Variants in TMEM8B observed in about 807,000 individuals in gnomAD.
TMEM8B encodes transmembrane protein 8B, also known as nasopharyngeal carcinoma expressed 6.
Under a neutral mutation model 49.3 loss-of-function variants are expected in TMEM8B, and 29 were observed. That is an observed-to-expected ratio of 0.59 (90% CI 0.44 to 0.80). The LOEUF (loss-of-function observed/expected upper bound fraction) is 0.80. Among genes scored for constraint, TMEM8B ranks in the 30% least tolerant of loss-of-function variants. The pLI, the probability that TMEM8B is intolerant of heterozygous loss-of-function variation, is 0.00. For missense variants in TMEM8B, 575 were observed against 658.5 expected, an observed-to-expected ratio of 0.87 and a Z score of 1.39; for synonymous variants, 264 against 272.8, an observed-to-expected ratio of 0.97 and a Z score of 0.32.
At chr9:35,839,500 AG>A (rs1375403803) in intron 3 of TMEM8B, among the ~76,000 whole-genome samples, 2 of 152,094 alleles carry the variant, frequency 1.3e-5, no homozygotes, top group Non-Finnish European at 2.9e-5. Context: ...CTGCATGAAG[AG>A]GGGGGACTGG....
At position 35,854,888 on chromosome 9, in the gene TMEM8B, A is replaced by T. The variant is rs1236019491; in HGVS notation, c.*1048A>T. The T allele has an allele frequency of 6.6e-6, 1 of 152,104 alleles. No homozygotes were observed. The highest frequency in any genetic ancestry group is 2.4e-5 in the African/African-American group (1 of 41,394). The allele number at this position is 152,104 out of a possible 1,614,324, so 9.4% of individuals were successfully genotyped here. A position where few individuals can be genotyped will look rare whatever the true frequency, so the allele number is the denominator to read the frequency against. On this transcript the variant is annotated 3_prime_UTR_variant, in exon 13 of 13. Transcript: ENST00000643932. ...AGAAAAGATCATTTGTCCATTTGGG[A>T]TTCCTTCTCTTTCCATGAGGGTCAT...
At position 35,846,379 on chromosome 9, in the gene TMEM8B, T is replaced by G; in HGVS notation, c.1851T>G (p.Pro617=). Residue 617 remains proline (P), a splice_region_variant and synonymous_variant, in exon 8 of 13, where the codon CCT becomes CCG. Coordinates refer to ENST00000643932, the MANE Select transcript of TMEM8B (RefSeq NM_001042590.4). ...LALRSLCGVG[P]RFVRCRNATA... ...TCCGCTCCCTGTGCGGGGTGGGGCC[T>G]CGGTGAGCGGTGCGGGGCGGGGCCA... 1 of 1,612,388 alleles carries G rather than the reference T, an allele frequency of 6.2e-7. No homozygotes were observed. The highest frequency in any genetic ancestry group is 8.5e-7 in the Non-Finnish European group (1 of 1,179,452).
In TMEM8B at chr9:35,851,547, C is replaced by A. The variant is rs906931196; in HGVS notation, c.2176-1280C>A. Among the ~76,000 whole-genome samples, 5 of 152,300 alleles carry A rather than the reference C, an allele frequency of 3.3e-5. No homozygotes were observed. The East Asian group carries it at 7.7e-4, about 23-fold the overall frequency. Reference sequence around the variant, plus strand: ...AATTTAACAGTATATTAAGAGGGAACCATGTCCCCAAAATAACAAGCCCTT... The same window carrying A: ...AATTTAACAGTATATTAAGAGGGAAACATGTCCCCAAAATAACAAGCCCTT... On this transcript the variant is annotated intron_variant, in intron 10 of 12. Coordinates refer to ENST00000643932, the MANE Select transcript of TMEM8B (RefSeq NM_001042590.4).
At position 35,853,946 on chromosome 9, in the gene TMEM8B, T is replaced by C; in HGVS notation, c.*106T>C. 2 of 1,409,174 alleles carry C rather than the reference T, an allele frequency of 1.4e-6. No individual in the cohort carries two copies. Among genetic ancestry groups the C allele is most frequent in the South Asian group, 1.7e-5 (1 of 59,448 alleles). The allele number at this position is 1,409,174 out of a possible 1,614,324, so 87.3% of individuals were successfully genotyped here. On this transcript the variant is annotated 3_prime_UTR_variant, in exon 13 of 13. Transcript: ENST00000643932. The surrounding 1 kb of genome is among the most constrained non-coding windows in gnomAD (Gnocchi z 4.2). ...AGACAGGCTGTATTTCTTGAGGACATGGAGTCTTTCTCAAGGACACAAAAC... is the reference window on the plus strand; with the variant it reads ...AGACAGGCTGTATTTCTTGAGGACACGGAGTCTTTCTCAAGGACACAAAAC...
chr9:35,834,868 T>G (rs1461137684), intron 2 of TMEM8B, 143 bp from the exon 3 acceptor site: 6 of 413,098 alleles, frequency 1.5e-5, no homozygotes, highest in Non-Finnish European at 2.7e-5. Context: ...GCCCCTGACC[T>G]GGAACCACTT....
chr9:35,842,797 C>A lies in TMEM8B; in HGVS notation c.1635+80C>A. ...GTGTCAGGGGTGTTGGGGTGTTTAC[C>A]TCCTCCAGGAAGCCTGTCCAGGTTG... On this transcript the variant is annotated intron_variant, in intron 6 of 12. Transcript: ENST00000643932. This position sits in a 1 kb window ranked among gnomAD's most constrained non-coding sequence, Gnocchi z 5.6. 7.0e-7 allele frequency: 1 copy of A among 1,437,762 alleles called. No individual in the cohort carries two copies. Among genetic ancestry groups the A allele is most frequent in the Non-Finnish European group, 9.3e-7 (1 of 1,079,632 alleles). The allele number at this position is 1,437,762 out of a possible 1,614,324, so 89.1% of individuals were successfully genotyped here.
chr9:35,846,357 G>C lies in TMEM8B; in HGVS notation c.1829G>C (p.Arg610Pro), dbSNP rs1831557630. Residue 610 changes from arginine (R) to proline (P), a missense_variant, in exon 8 of 13, where the codon CGC becomes CCC. Transcript: ENST00000643932. ...ACGGGGACCTGGTTCCTGGCCCTCC[G>C]CTCCCTGTGCGGGGTGGGGCCTCGG... ...PQTGTWFLAL[R>P]SLCGVGPRFV... The C allele has an allele frequency of 6.2e-7, 1 of 1,613,692 alleles. No homozygotes were observed. The highest frequency in any genetic ancestry group is 8.5e-7 in the Non-Finnish European group (1 of 1,179,972).
chr9:35,846,816 G>C lies in TMEM8B; in HGVS notation c.1997-1G>C, dbSNP rs769360551. 3 of 1,611,516 alleles carry C rather than the reference G, an allele frequency of 1.9e-6. No individual in the cohort carries two copies. The African/African-American group carries it at 4.0e-5, about 22-fold the overall frequency. ...CCATTCTGTGCCTTCCCCACCCGCA[G>C]GGTGGAGAGGCTGGGGCTGCACCGA... On this transcript the variant is annotated splice_acceptor_variant, in intron 9 of 12. Transcript: ENST00000643932. LOFTEE classifies it high-confidence loss of function.
Position 35,842,284 on chromosome 9 carries a change from C to T in TMEM8B, c.1310-108C>T. The T allele has an allele frequency of 1.2e-6, 1 of 833,822 alleles. No homozygotes were observed. The highest frequency in any genetic ancestry group is 1.8e-6 in the Non-Finnish European group (1 of 562,684). 51.7% of individuals were successfully genotyped at this position (833,822 alleles called of 1,614,324 possible). A position where few individuals can be genotyped will look rare whatever the true frequency, so the allele number is the denominator to read the frequency against. ...CCAAGGGACATCGCATTCTAGTTCT[C>T]ATCCTTCCCCACTCTTTGCGAAATC... On this transcript the variant is annotated intron_variant, in intron 5 of 12. Transcript: ENST00000643932. The surrounding 1 kb of genome is among the most constrained non-coding windows in gnomAD (Gnocchi z 5.6).
intron 1 of TMEM8B, among the ~76,000 whole-genome samples, chr9:35,834,065 CA>C (rs1486252717): frequency 2.6e-5 from 4 of 151,582 alleles, no homozygotes; most frequent in African/African-American, 7.3e-5. Flanking sequence ...CACACACACA[CA>C]CACACCTTCC....
intron 3 of TMEM8B, among the ~76,000 whole-genome samples, chr9:35,839,022 G>T (rs1039667871): frequency 6.6e-6 from 1 of 152,148 alleles, no homozygotes; most frequent in Non-Finnish European, 1.5e-5. Context: ...TCCAGCACTC[G>T]TTTGCTTCTA....
In TMEM8B at chr9:35,842,854, G is replaced by A; in HGVS notation, c.1635+137G>A. The A allele has an allele frequency of 1.1e-6, 1 of 892,758 alleles. No homozygotes were observed. Among genetic ancestry groups the A allele is most frequent in the Non-Finnish European group, 1.7e-6 (1 of 605,326 alleles). 55.3% of individuals were successfully genotyped at this position (892,758 alleles called of 1,614,324 possible). A position where few individuals can be genotyped will look rare whatever the true frequency, so the allele number is the denominator to read the frequency against. Reference sequence around the variant, plus strand: ...CCCATCCTGACAATTAGGGACCATGGCTCAGCCCAATTCTGGTCAACAAAC... The same window carrying A: ...CCCATCCTGACAATTAGGGACCATGACTCAGCCCAATTCTGGTCAACAAAC... On this transcript the variant is annotated intron_variant, in intron 6 of 12. Transcript: ENST00000643932. This position sits in a 1 kb window ranked among gnomAD's most constrained non-coding sequence, Gnocchi z 5.6.
At chr9:35,849,733 C>G (rs1313855000) in intron 10 of TMEM8B, among the ~76,000 whole-genome samples, 6 of 152,112 alleles carry the variant, frequency 3.9e-5, no homozygotes, top group African/African-American at 1.4e-4. Flanking sequence ...AAGGCATGGC[C>G]CCAGTTTAGT....
rs1387862153 is a variant in TMEM8B, at chr9:35,829,511, C to T, written c.64C>T (p.Pro22Ser). 1 of 393,976 alleles carries T rather than the reference C, an allele frequency of 2.5e-6. No individual in the cohort carries two copies. The highest frequency in any genetic ancestry group is 4.4e-5 in the Admixed American group (1 of 22,518). 24.4% of individuals were successfully genotyped at this position (393,976 alleles called of 1,614,324 possible). ...SQSPPWPPAP[P>S]SPRFPHRPQP... is the part of the protein sequence containing the mutation. ...ATCCCCGCCTTGGCCCCCAGCCCCG[C>T]CCTCGCCCCGCTTCCCACATCGGCC... The change falls in exon 1 of 13, where the codon CCC (proline) becomes TCC (serine). Residue 22 changes from proline to serine, a missense_variant. Pro to Ser is a moderately conservative substitution (Grantham distance 74). Coordinates refer to ENST00000643932, the MANE Select transcript of TMEM8B (RefSeq NM_001042590.4).
Position 35,864,558 on chromosome 9 carries a change from G to C in TMEM8B, c.*10718G>C, listed in dbSNP as rs1832704240. 1 of 152,198 alleles carries C rather than the reference G, an allele frequency of 6.6e-6. No homozygotes were observed. The highest frequency in any genetic ancestry group is 1.5e-5 in the Non-Finnish European group (1 of 68,040). 9.4% of individuals were successfully genotyped at this position (152,198 alleles called of 1,614,324 possible). ...CCTTACCTATACCATGGAGACGGCA[G>C]TATTTCCTTGTGGGCTTGTTTTAAG... On this transcript the variant is annotated 3_prime_UTR_variant, in exon 13 of 13. Transcript: ENST00000643932.
Position 35,842,308 on chromosome 9 carries a change from T to C in TMEM8B, c.1310-84T>C, listed in dbSNP as rs562661778. The C allele has an allele frequency of 3.6e-6, 4 of 1,102,972 alleles. No individual in the cohort carries two copies. The East Asian group carries it at 8.3e-5, about 23-fold the overall frequency. 68.3% of individuals were successfully genotyped at this position (1,102,972 alleles called of 1,614,324 possible). ...TCATCCTTCCCCACTCTTTGCGAAA[T>C]CCTGTCTAGCTCAGATGTGTTTATG... On this transcript the variant is annotated intron_variant, in intron 5 of 12. Transcript: ENST00000643932. This position sits in a 1 kb window ranked among gnomAD's most constrained non-coding sequence, Gnocchi z 5.6.
rs781170618 is a variant in TMEM8B at position 35,852,962 on chromosome 9, G to A, written c.2311G>A (p.Val771Met). Reference sequence around the variant, plus strand: ...CATTGCCATGGCTCGTTTACAGCCCGTGGTCAAGCAGGTCAGTCCAGAGTG... The same window carrying A: ...CATTGCCATGGCTCGTTTACAGCCCATGGTCAAGCAGGTCAGTCCAGAGTG... ...TVIAMARLQP[V>M]VKQVLYLLGA... The change falls in exon 11 of 13, where the codon GTG becomes ATG. Residue 771 changes from valine (V) to methionine (M), a missense_variant. Coordinates refer to ENST00000643932, the MANE Select transcript of TMEM8B (RefSeq NM_001042590.4). 8.1e-6 allele frequency: 13 copies of A among 1,614,040 alleles called. No individual in the cohort carries two copies. Among genetic ancestry groups the A allele is most frequent in the African/African-American group, 1.3e-5 (1 of 74,910 alleles).
Position 35,841,435 on chromosome 9 carries a change from C to T in TMEM8B, c.1041-91C>T. On this transcript the variant is annotated intron_variant, in intron 4 of 12. Transcript: ENST00000643932. The surrounding 1 kb of genome is among the most constrained non-coding windows in gnomAD (Gnocchi z 5.9). ...AGACCTGAACAGGCCTCCTTCCCACCCTATGCCCCCTCCTTCCTAGTGCTT... is the reference window on the plus strand; with the variant it reads ...AGACCTGAACAGGCCTCCTTCCCACTCTATGCCCCCTCCTTCCTAGTGCTT... 1 of 411,274 alleles carries T rather than the reference C, an allele frequency of 2.4e-6. No homozygotes were observed. The highest frequency in any genetic ancestry group is 4.4e-6 in the Non-Finnish European group (1 of 226,912). 25.5% of individuals were successfully genotyped at this position (411,274 alleles called of 1,614,324 possible). A position where few individuals can be genotyped will look rare whatever the true frequency, so the allele number is the denominator to read the frequency against.
In TMEM8B at chr9:35,846,489, C is replaced by A; in HGVS notation, c.1874C>A (p.Ala625Glu). 1.3e-6 allele frequency: 2 copies of A among 1,598,878 alleles called. No homozygotes were observed. Among genetic ancestry groups the A allele is most frequent in the South Asian group, 1.1e-5 (1 of 89,404 alleles). The change falls in exon 9 of 13, where the codon GCG becomes GAG. Residue 625 changes from alanine (A) to glutamate (E), a missense_variant. Transcript: ENST00000643932. ...VGPRFVRCRNATAEVRMRTFL... is the reference protein window; with the variant it reads ...VGPRFVRCRNETAEVRMRTFL... ...CGCAGGTTCGTGCGGTGCCGCAACG[C>A]GACGGCCGAGGTGCGGATGCGCACC...
Sources: gnomAD v4.1 joint callset for allele counts (sites outside exome capture counted in the v4.1 genomes callset) on GRCh38, gnomAD v4.1.1 for gene constraint, Gnocchi (gnomAD v3.1) non-coding constraint, MANE v1.5 for transcripts, NCBI Gene and HGNC (gene_info 2026-07-23, HGNC 2026-07-21) for gene names.